PPP2R3A: variants seen among roughly 807,000 people sequenced by gnomAD.
The protein encoded by PPP2R3A is serine/threonine-protein phosphatase 2A regulatory subunit B'' subunit alpha.
Under a neutral mutation model 106.9 loss-of-function variants are expected in PPP2R3A, and 80 were observed. The ratio of observed to expected loss-of-function variants is 0.75; its 90% CI spans 0.62 to 0.90. PPP2R3A has a LOEUF of 0.90. Ranked by LOEUF, PPP2R3A falls within the 40% of genes least tolerant of loss-of-function variation. The pLI, the probability that PPP2R3A is intolerant of heterozygous loss-of-function variation, is 0.00. For missense variants in PPP2R3A, 1,386 were observed against 1,350.4 expected (o/e 1.03, Z -0.41); for synonymous variants, 483 against 468.3 (o/e 1.03, Z -0.41).
intron 6 of PPP2R3A, among the ~76,000 whole-genome samples, chr3:136,073,626 T>C (rs998590797): frequency 7.9e-5 from 12 of 152,294 alleles, no homozygotes; most frequent in African/African-American, 1.2e-4. Context: ...CAAGACCTAA[T>C]TGGGAACATT....
rs779474448 is a variant in PPP2R3A at position 136,003,094 on chromosome 3, G to A, written c.1596G>A (p.Ala532=). Residue 532 remains alanine (A), a synonymous_variant, in exon 2 of 14, where the codon GCG becomes GCA. Transcript: ENST00000264977. The part of the protein sequence containing the change: ...KMETSLREPL[A]KGKNSNFLNS... ...AGACCTCTCTAAGAGAGCCACTTGC[G>A]AAGGGTAAAAACTCTAATTTTTTAA... 3.8e-5 allele frequency: 62 copies of A among 1,610,492 alleles called. 1 individual carries two copies. Among genetic ancestry groups the A allele is most frequent in the Admixed American group, 1.2e-4 (7 of 59,132 alleles).
intron 2 of PPP2R3A, among the ~76,000 whole-genome samples, chr3:136,013,396 G>T (rs1204545944): frequency 6.6e-6 from 1 of 152,054 alleles, no homozygotes; most frequent in Non-Finnish European, 1.5e-5. Flanking sequence ...GGATCAAATG[G>T]TAGATCTACT....
chr3:135,980,303 GGCAGGTCTCTAAGAA>G (rs1346743797), intron 1 of PPP2R3A, among the ~76,000 whole-genome samples: 2 of 151,696 alleles, frequency 1.3e-5, no homozygotes, highest in Non-Finnish European at 2.9e-5. Flanking sequence ...CTGTGAACAA[GGCAGGTCTCTAAGAA>G]GTGGGTATAA....
intron 4 of PPP2R3A, among the ~76,000 whole-genome samples, chr3:136,046,678 C>T (rs948141692): frequency 2.6e-5 from 4 of 152,214 alleles, no homozygotes; most frequent in African/African-American, 7.2e-5. Context: ...AGCACAAGAA[C>T]TCTGACAATT....
At chr3:136,048,779 A>T (rs1282482817) in intron 4 of PPP2R3A, among the ~76,000 whole-genome samples, 1 of 152,160 alleles carries the variant, frequency 6.6e-6, no homozygotes, top group African/African-American at 2.4e-5. Context: ...AACAAACAAG[A>T]GCCTAAGCAT....
chr3:135,978,794 A>G (rs901200533), intron 1 of PPP2R3A, among the ~76,000 whole-genome samples: 1 of 151,862 alleles, frequency 6.6e-6, no homozygotes, highest in Non-Finnish European at 1.5e-5. Context: ...TATAATACAA[A>G]TTAATTTTTA....
At chr3:136,114,487 C>T (rs545389076) in intron 13 of PPP2R3A, among the ~76,000 whole-genome samples, 10 of 152,218 alleles carry the variant, frequency 6.6e-5, no homozygotes, top group Non-Finnish European at 1.0e-4. Context: ...AGTGGTCTGG[C>T]TCAGTGGGTC....
intron 7 of PPP2R3A, among the ~76,000 whole-genome samples, chr3:136,080,202 A>G (rs796999368): frequency 6.4e-4 from 97 of 152,298 alleles, no homozygotes; most frequent in African/African-American, 2.2e-3. Flanking sequence ...TTCCATTCAT[A>G]TAAGTCTATC....
At chr3:136,086,941 C>T (rs909373946) in intron 8 of PPP2R3A, among the ~76,000 whole-genome samples, 1 of 152,170 alleles carries the variant, frequency 6.6e-6, no homozygotes, top group African/African-American at 2.4e-5. Context: ...GTGGCTCACG[C>T]CTGTATTCCT....
At chr3:136,028,832 G>T (rs915199570) in intron 3 of PPP2R3A, among the ~76,000 whole-genome samples, 40 of 152,124 alleles carry the variant, frequency 2.6e-4, no homozygotes, top group African/African-American at 8.7e-4. Flanking sequence ...TGTTGTTGTT[G>T]TTTTTTGTTG....
At chr3:136,135,504 C>T (rs1393407511) in intron 13 of PPP2R3A, among the ~76,000 whole-genome samples, 1 of 152,058 alleles carries the variant, frequency 6.6e-6, no homozygotes, top group Non-Finnish European at 1.5e-5. Context: ...AATTGTCAAA[C>T]AGAAATTGCC....
intron 7 of PPP2R3A, among the ~76,000 whole-genome samples, chr3:136,081,087 G>A (rs955794045): frequency 4.6e-5 from 7 of 151,712 alleles, no homozygotes; most frequent in Non-Finnish European, 7.4e-5. Flanking sequence ...TCTGCCTCCC[G>A]GTTTCAAGCA....
intron 8 of PPP2R3A, among the ~76,000 whole-genome samples, chr3:136,085,191 G>T (rs1468927508): frequency 6.6e-6 from 1 of 152,124 alleles, no homozygotes; most frequent in East Asian, 1.9e-4. Flanking sequence ...GAGGGACCAG[G>T]TAGGAGTTAA....
intron 7 of PPP2R3A, among the ~76,000 whole-genome samples, chr3:136,081,016 C>T (rs1399157633): frequency 3.3e-5 from 5 of 151,216 alleles, no homozygotes; most frequent in Non-Finnish European, 5.9e-5. Context: ...TTCTTTGAGA[C>T]GGAGTTTTGC....
At chr3:136,056,019 G>A (rs186632994) in intron 5 of PPP2R3A, among the ~76,000 whole-genome samples, 1 of 152,266 alleles carries the variant, frequency 6.6e-6, no homozygotes, top group East Asian at 1.9e-4. Context: ...CACGTTGTTA[G>A]TATGTACCTT....
At position 136,040,848 on chromosome 3, in the gene PPP2R3A, T is replaced by C. The variant is rs1381354790; in HGVS notation, c.2263-11T>C. 3.1e-6 allele frequency: 5 copies of C among 1,607,990 alleles called. No individual in the cohort carries two copies. The African/African-American group carries it at 6.7e-5, about 22-fold the overall frequency. ...CTGTTGGCTTACCCTGTATGTGTTT[T>C]CTATTTGCAGGTCTGTGGCTGTCCT... On this transcript the variant is annotated splice_polypyrimidine_tract_variant and intron_variant, in intron 3 of 13. Transcript: ENST00000264977.
chr3:136,107,572 AAAGTC>A (rs939244502), intron 13 of PPP2R3A, among the ~76,000 whole-genome samples: 1 of 152,030 alleles, frequency 6.6e-6, no homozygotes, highest in African/African-American at 2.4e-5. Context: ...CCCCATAGAT[AAAGTC>A]AAATAGTCCT....
At chr3:136,132,014 G>T (rs1351135989) in intron 13 of PPP2R3A, among the ~76,000 whole-genome samples, 8 of 151,730 alleles carry the variant, frequency 5.3e-5, no homozygotes, top group Non-Finnish European at 1.2e-4. Flanking sequence ...GCCTGTCAGG[G>T]GGTGGGGGGG....
At chr3:136,020,086 A>G (rs1485140540) in intron 2 of PPP2R3A, among the ~76,000 whole-genome samples, 1 of 152,122 alleles carries the variant, frequency 6.6e-6, no homozygotes, top group Non-Finnish European at 1.5e-5. Flanking sequence ...GTGATTATAT[A>G]TAAAAATATT....
Sources: allele counts gnomAD v4.1 joint callset (sites outside exome capture counted in the v4.1 genomes callset), GRCh38; gene constraint gnomAD v4.1.1; transcripts MANE v1.5; gene names NCBI Gene and HGNC (gene_info 2026-07-23, HGNC 2026-07-21).